The following C7 variants were observed in gnomAD, a reference collection of about 807,000 sequenced individuals.
The protein encoded by C7 is complement component C7.
In C7, 83 loss-of-function variants were observed where a neutral mutation model predicts 104.8. The observed-to-expected ratio is 0.79, with a 90% confidence interval of 0.66 to 0.95. The LOEUF is 0.95. Among genes scored for constraint, C7 ranks in the 40% least tolerant of loss-of-function variants. The probability of loss-of-function intolerance (pLI) is 0.00; values close to 1 mark genes in which losing one functional copy is unlikely to be tolerated. For missense variants in C7, 1,070 were observed against 1,011.2 expected (o/e 1.06, Z -0.79); for synonymous variants, 415 against 360.6 (o/e 1.15, Z -1.71).
At chr5:40,968,557 TTATATATATTTTATATATATATATA>T (rs1740609432) in intron 14 of C7, among the ~76,000 whole-genome samples, 1 of 110,990 alleles carries the variant, frequency 9.0e-6, no homozygotes, top group East Asian at 2.7e-4. Context: ...CTTAAAACAA[TTATATATATTTTATATATATATATA>T]TATATATATA....
chr5:40,918,614 AT>A lies in C7; in HGVS notation c.6+8999del, dbSNP rs1739374697. ...AGGCAATGGAAGAAAGATATTCCACATCAATAGAAACCAAAAGAAAGCAGGG... is the reference window on the plus strand; with the variant it reads ...AGGCAATGGAAGAAAGATATTCCACACAATAGAAACCAAAAGAAAGCAGGG... On this transcript the variant is annotated intron_variant, in intron 1 of 17. Transcript: ENST00000313164. Among the ~76,000 whole-genome samples the A allele has an allele frequency of 3.3e-5, 5 of 152,240 alleles. No individual in the cohort carries two copies. In the South Asian group the frequency reaches 1.0e-3, roughly 32 times the overall value.
At chr5:40,949,353 G>T (rs1024667107) in intron 8 of C7, among the ~76,000 whole-genome samples, 2 of 137,948 alleles carry the variant, frequency 1.4e-5, no homozygotes, top group Admixed American at 7.4e-5. Flanking sequence ...TTCAAAAAAT[G>T]CATTGGCAAA....
Position 40,982,652 on chromosome 5 carries a change from CTG to C in C7, c.*1082_*1083del, listed in dbSNP as rs1010439303. 6 of 152,246 alleles carry C rather than the reference CTG, an allele frequency of 3.9e-5. No homozygotes were observed. Among genetic ancestry groups the C allele is most frequent in the Non-Finnish European group, 1.5e-5 (1 of 68,032 alleles). The allele number at this position is 152,246 out of a possible 1,614,324, so 9.4% of individuals were successfully genotyped here. A position where few individuals can be genotyped will look rare whatever the true frequency, so the allele number is the denominator to read the frequency against. Reference sequence around the variant, plus strand: ...CAGTTCATGCCTGAGGCATGAGTGACTGTGCATTTGAGAATAGTTTTCCCTAT... The same window carrying C: ...CAGTTCATGCCTGAGGCATGAGTGACTGCATTTGAGAATAGTTTTCCCTAT... On this transcript the variant is annotated 3_prime_UTR_variant, in exon 18 of 18. Coordinates refer to ENST00000313164, the MANE Select transcript of C7 (RefSeq NM_000587.4).
chr5:40,935,667 G>A (rs190473436), intron 4 of C7, among the ~76,000 whole-genome samples: 2 of 152,220 alleles, frequency 1.3e-5, no homozygotes, highest in Non-Finnish European at 2.9e-5. Context: ...TATGACTAGG[G>A]TATAAGAAGC....
chr5:40,914,130 GTTT>G (rs1442334729), intron 1 of C7, among the ~76,000 whole-genome samples: 1 of 152,010 alleles, frequency 6.6e-6, no homozygotes, highest in Admixed American at 6.6e-5. Flanking sequence ...CATTCAGCCA[GTTT>G]TTTTACTTTT....
intron 6 of C7, among the ~76,000 whole-genome samples, chr5:40,942,502 T>C (rs1739960985): frequency 6.6e-6 from 1 of 151,990 alleles, no homozygotes; most frequent in South Asian, 2.1e-4. Flanking sequence ...GTTTAAGAGG[T>C]CTCTGAAGAT....
intron 1 of C7, among the ~76,000 whole-genome samples, chr5:40,922,374 CAAAAAAAAAAA>C (rs869109946): frequency 2.1e-4 from 9 of 43,082 alleles, no homozygotes; most frequent in African/African-American, 6.0e-4. Context: ...GACTCTGTCT[CAAAAAAAAAAA>C]AAAAAAAAAA....
chr5:40,931,419 C>T (rs1042826919), intron 3 of C7, among the ~76,000 whole-genome samples: 2 of 152,148 alleles, frequency 1.3e-5, no homozygotes, highest in African/African-American at 4.8e-5. Flanking sequence ...AATTTACTAA[C>T]TCTTTAACTA....
chr5:40,979,757 G>T lies in C7; in HGVS notation c.2198G>T (p.Arg733Ile), dbSNP rs200240917. ...PSLDVCAQDE[R>I]SKRILPLTVC... ...TTGGATGTATGTGCTCAAGATGAGA[G>T]AAGCAAAAGGATACTGCCTCTGACA... Residue 733 changes from arginine to isoleucine, a missense_variant, in exon 17 of 18, where the codon AGA becomes ATA. By Grantham distance (97) the Arg-to-Ile change is moderately conservative. Transcript: ENST00000313164. 257 of 1,613,406 alleles carry T rather than the reference G, an allele frequency of 1.6e-4. No individual in the cohort carries two copies. The highest frequency in any genetic ancestry group is 3.6e-5 in the Non-Finnish European group (42 of 1,179,630).
chr5:40,981,300 T>C, intron 17 of C7, 92 bp from the exon 18 acceptor site: 1 of 1,235,004 alleles, frequency 8.1e-7, no homozygotes, highest in Non-Finnish European at 1.2e-6. Context: ...CTTCTACAGC[T>C]CTGATCACCA....
chr5:40,968,673 G>GCAAT (rs1279757317), intron 14 of C7, among the ~76,000 whole-genome samples: 3 of 130,908 alleles, frequency 2.3e-5, no homozygotes, highest in Non-Finnish European at 4.7e-5. Flanking sequence ...GTGCAGTGGT[G>GCAAT]CAATCTTGGC....
At chr5:40,950,794 A>G (rs569282093) in intron 9 of C7, among the ~76,000 whole-genome samples, 1 of 152,288 alleles carries the variant, frequency 6.6e-6, no homozygotes, top group South Asian at 2.1e-4. Flanking sequence ...TCACTTGCTG[A>G]CATGGCTACT....
intron 14 of C7, among the ~76,000 whole-genome samples, chr5:40,971,304 T>A (rs1206620250): frequency 6.6e-6 from 1 of 152,264 alleles, no homozygotes; most frequent in Admixed American, 6.5e-5. Context: ...GGTATCTCAT[T>A]GTGGTTTTGA....
At chr5:40,981,273 G>A (rs3749519) in intron 17 of C7, 119 bp from the exon 18 acceptor site, 622,347 of 935,750 alleles carry the variant, frequency 0.67, 210,169 homozygotes, top group South Asian at 0.84. Context: ...AATTTATTAT[G>A]TCATTCCAGG....
rs373027249 is a variant in C7 at position 40,964,777 on chromosome 5, G to C, written c.1786G>C (p.Val596Leu). 1.2e-6 allele frequency: 2 copies of C among 1,613,244 alleles called. No homozygotes were observed. Among genetic ancestry groups the C allele is most frequent in the African/African-American group, 2.7e-5 (2 of 75,010 alleles). ...AATGTTTCCTGTGGGGAAAAATGTA[G>C]TGTACACTTGCAATGAAGGATACTC... is the stretch of plus-strand genomic sequence containing the variant. ...GTMFPVGKNV[V>L]YTCNEGYSLI... The change falls in exon 14 of 18, where the codon GTG (valine) becomes CTG (leucine). Residue 596 changes from valine (V) to leucine (L), a missense_variant. Physicochemically the swap from Val to Leu is conservative, Grantham distance 32 (BLOSUM62 1). Transcript: ENST00000313164.
chr5:40,943,854 C>T (rs1384118614), intron 6 of C7, among the ~76,000 whole-genome samples: 5 of 152,042 alleles, frequency 3.3e-5, no homozygotes, highest in Non-Finnish European at 5.9e-5. Context: ...ATCTTTTTAG[C>T]ATGCATATCT....
At chr5:40,968,956 T>C (rs2167232) in intron 14 of C7, among the ~76,000 whole-genome samples, 2 of 151,790 alleles carry the variant, frequency 1.3e-5, no homozygotes, top group Admixed American at 6.6e-5. Flanking sequence ...TTTTACTGCA[T>C]AGTGAATTTT....
chr5:40,971,938 A>G, intron 14 of C7: 1 of 401,102 alleles, frequency 2.5e-6, no homozygotes, highest in Non-Finnish European at 4.9e-6. Flanking sequence ...AGCCTGGGCA[A>G]CAAGACAGAC....
chr5:40,924,181 T>C (rs1367049628), intron 1 of C7, among the ~76,000 whole-genome samples: 5 of 152,002 alleles, frequency 3.3e-5, no homozygotes, highest in South Asian at 2.1e-4. Context: ...TTGGGTAAAC[T>C]CTCCTTTCCC....
Sources: allele counts gnomAD v4.1 joint callset (sites outside exome capture counted in the v4.1 genomes callset), GRCh38; gene constraint gnomAD v4.1.1; transcripts MANE v1.5; gene names NCBI Gene and HGNC (gene_info 2026-07-23, HGNC 2026-07-21).